The following SYNDIG1 variants were observed in gnomAD, a reference collection of about 807,000 sequenced individuals.
The protein encoded by SYNDIG1 is synapse differentiation inducing 1.
SYNDIG1 carries 9 observed loss-of-function variants against 19.4 expected under a neutral mutation model. That is an observed-to-expected ratio of 0.46 (90% confidence interval 0.28 to 0.81). The LOEUF is 0.81. Among genes scored for constraint, SYNDIG1 ranks in the 30% least tolerant of loss-of-function variants. The pLI is 0.12. For missense variants in SYNDIG1, 311 were observed against 343.3 expected, an observed-to-expected ratio of 0.91 and a Z score of 0.74; for synonymous variants, 141 against 145.9, an observed-to-expected ratio of 0.97 and a Z score of 0.24.
chr20:24,556,784 T>G (rs2057829441), intron 2 of SYNDIG1, among the ~76,000 whole-genome samples: 2 of 152,220 alleles, frequency 1.3e-5, no homozygotes, highest in Admixed American at 1.3e-4. Flanking sequence ...ATTATGTGTC[T>G]TGGAGTTGCT....
intron 1 of SYNDIG1, among the ~76,000 whole-genome samples, chr20:24,473,863 T>C (rs6114737): frequency 0.014 from 2,194 of 152,286 alleles, 51 homozygotes; most frequent in African/African-American, 0.05. Context: ...GTTTTCAAAA[T>C]CCTGGAAAGA....
chr20:24,555,821 C>T (rs1475633702), intron 2 of SYNDIG1, among the ~76,000 whole-genome samples: 2 of 152,118 alleles, frequency 1.3e-5, no homozygotes, highest in Admixed American at 6.5e-5. Context: ...CCTATTAGGT[C>T]CACTTGGTGC....
intron 1 of SYNDIG1, among the ~76,000 whole-genome samples, chr20:24,518,189 A>T (rs968305120): frequency 6.6e-6 from 1 of 152,082 alleles, no homozygotes; most frequent in African/African-American, 2.4e-5. Flanking sequence ...AAGAAAATGG[A>T]CTACATGGAA....
At chr20:24,498,033 C>G (rs1329644722) in intron 1 of SYNDIG1, among the ~76,000 whole-genome samples, 2 of 152,238 alleles carry the variant, frequency 1.3e-5, no homozygotes, top group Non-Finnish European at 2.9e-5. Context: ...TTTAAATAAA[C>G]ACTAGAATCT....
chr20:24,499,199 A>G (rs569290466), intron 1 of SYNDIG1, among the ~76,000 whole-genome samples: 1 of 152,148 alleles, frequency 6.6e-6, no homozygotes, highest in African/African-American at 2.4e-5. Flanking sequence ...TAATTCTTGT[A>G]TTTTTAGTAG....
intron 1 of SYNDIG1, among the ~76,000 whole-genome samples, chr20:24,524,614 C>T (rs1273177480): frequency 2.6e-5 from 4 of 151,820 alleles, no homozygotes; most frequent in Non-Finnish European, 4.4e-5. Context: ...CCACTGCACT[C>T]CAGCCTGGGC....
At chr20:24,533,252 G>T (rs571659366) in intron 1 of SYNDIG1, among the ~76,000 whole-genome samples, 39 of 152,176 alleles carry the variant, frequency 2.6e-4, no homozygotes, top group South Asian at 2.3e-3. Context: ...GTTTGTCCAC[G>T]TAGGCACATT....
At chr20:24,548,311 T>A (rs2057630815) in intron 2 of SYNDIG1, among the ~76,000 whole-genome samples, 1 of 152,212 alleles carries the variant, frequency 6.6e-6, no homozygotes, top group South Asian at 2.1e-4. Context: ...TTCAGCATTA[T>A]GCCAGAGTCC....
intron 3 of SYNDIG1, among the ~76,000 whole-genome samples, chr20:24,654,692 G>GGAAGGAAGGAAA (rs1568718690): frequency 5.4e-4 from 81 of 150,754 alleles, no homozygotes; most frequent in African/African-American, 1.8e-3. Context: ...AAGGAAGGAA[G>GGAAGGAAGGAAA]GAAGGAAGAG....
chr20:24,488,748 G>A (rs1032919773), intron 1 of SYNDIG1, among the ~76,000 whole-genome samples: 1 of 152,230 alleles, frequency 6.6e-6, no homozygotes, highest in African/African-American at 2.4e-5. Context: ...AGGTGTGAGT[G>A]TTTCACAGGA....
intron 3 of SYNDIG1, among the ~76,000 whole-genome samples, chr20:24,647,755 T>C (rs566151106): frequency 6.6e-6 from 1 of 150,490 alleles, no homozygotes; most frequent in Non-Finnish European, 1.5e-5. Flanking sequence ...GGGTGGATTT[T>C]TTTTCCAGCA....
chr20:24,540,883 G>A (rs1041292716), intron 1 of SYNDIG1, among the ~76,000 whole-genome samples: 4 of 152,092 alleles, frequency 2.6e-5, no homozygotes, highest in African/African-American at 9.7e-5. Context: ...TCTGGCTTTG[G>A]TGTCAGGGTA....
intron 1 of SYNDIG1, among the ~76,000 whole-genome samples, chr20:24,473,410 A>G (rs2055527475): frequency 6.6e-6 from 1 of 152,212 alleles, no homozygotes; most frequent in African/African-American, 2.4e-5. Flanking sequence ...AATTAGAATA[A>G]TGAAGTTGTC....
intron 2 of SYNDIG1, among the ~76,000 whole-genome samples, chr20:24,555,261 G>A (rs1416186098): frequency 6.6e-6 from 1 of 152,068 alleles, no homozygotes; most frequent in African/African-American, 2.4e-5. Flanking sequence ...AACCAGCTCT[G>A]GATTCATTAA....
At chr20:24,621,134 T>C (rs774450660) in intron 3 of SYNDIG1, among the ~76,000 whole-genome samples, 3 of 152,248 alleles carry the variant, frequency 2.0e-5, no homozygotes, top group Non-Finnish European at 2.9e-5. Context: ...TAAGTTAGCA[T>C]ATTCCATCAA....
chr20:24,470,647 C>T (rs2055407713), intron 1 of SYNDIG1, among the ~76,000 whole-genome samples: 1 of 152,182 alleles, frequency 6.6e-6, no homozygotes, highest in African/African-American at 2.4e-5. Flanking sequence ...GGGCTTTGTC[C>T]CTATGCGCTT....
chr20:24,591,578 G>A (rs774506984), intron 3 of SYNDIG1, among the ~76,000 whole-genome samples: 1 of 151,990 alleles, frequency 6.6e-6, no homozygotes, highest in Non-Finnish European at 1.5e-5. Flanking sequence ...TAGCATACTT[G>A]TTCATAATGA....
At chr20:24,489,034 G>T (rs922316468) in intron 1 of SYNDIG1, among the ~76,000 whole-genome samples, 1 of 152,328 alleles carries the variant, frequency 6.6e-6, no homozygotes, top group Non-Finnish European at 1.5e-5. Context: ...CTAAGCTCCT[G>T]TGGAGGCTGA....
intron 1 of SYNDIG1, among the ~76,000 whole-genome samples, chr20:24,500,154 C>A (rs1003384308): frequency 6.6e-6 from 1 of 151,910 alleles, no homozygotes; most frequent in Non-Finnish European, 1.5e-5. Context: ...CCAGAACTTG[C>A]TAGCATCCCT....
Sources: allele counts gnomAD v4.1 joint callset (sites outside exome capture counted in the v4.1 genomes callset), GRCh38; gene constraint gnomAD v4.1.1; transcripts MANE v1.5; gene names NCBI Gene and HGNC (gene_info 2026-07-23, HGNC 2026-07-21).